CADPS2: variants seen among roughly 807,000 people sequenced by gnomAD.
CADPS2 encodes the protein calcium-dependent secretion activator 2.
CADPS2 carries 93 observed loss-of-function variants against 172.5 expected under a neutral mutation model. The ratio of observed to expected loss-of-function variants is 0.54; its 90% confidence interval spans 0.46 to 0.64. CADPS2 has a LOEUF of 0.64. CADPS2 is among the 30% of genes least tolerant of loss of function. The pLI, the probability that CADPS2 is intolerant of heterozygous loss-of-function variation, is 0.00. For synonymous variants in CADPS2, 546 were observed against 555.2 expected (o/e 0.98, Z 0.23); for missense variants, 1,420 against 1,565.9 (o/e 0.91, Z 1.57).
chr7:122,478,979 A>C (rs1259319306), intron 12 of CADPS2, among the ~76,000 whole-genome samples: 1 of 152,132 alleles, frequency 6.6e-6, no homozygotes. Context: ...TCTTTGCAAC[A>C]AATTCTTATG....
At chr7:122,870,230 G>A (rs1215480396) in intron 1 of CADPS2, among the ~76,000 whole-genome samples, 1 of 151,802 alleles carries the variant, frequency 6.6e-6, no homozygotes, top group Non-Finnish European at 1.5e-5. Flanking sequence ...TCATCTCTAA[G>A]GACACATTCA....
intron 1 of CADPS2, among the ~76,000 whole-genome samples, chr7:122,859,186 T>C (rs991012116): frequency 2.0e-5 from 3 of 152,236 alleles, no homozygotes; most frequent in Non-Finnish European, 4.4e-5. Context: ...TCTTAATTAA[T>C]TGAAAGTTTA....
Position 122,649,710 on chromosome 7 carries a change from A to G in CADPS2, c.786+13527T>C, listed in dbSNP as rs747622768. 1.3e-4 allele frequency among the ~76,000 whole-genome samples: 20 copies of G among 152,264 alleles called. No individual in the cohort carries two copies. The South Asian group carries it at 4.1e-3, about 32-fold the overall frequency. On this transcript the variant is annotated intron_variant, in intron 3 of 29. Coordinates refer to ENST00000449022, the MANE Select transcript of CADPS2 (RefSeq NM_017954.11). ...TATACATACTCCCAGTAATGCACTGATCAACTATACCATTACATTTCATAC... is the reference window on the plus strand; with the variant it reads ...TATACATACTCCCAGTAATGCACTGGTCAACTATACCATTACATTTCATAC...
intron 9 of CADPS2, among the ~76,000 whole-genome samples, chr7:122,505,446 T>C (rs1343699763): frequency 6.6e-6 from 1 of 152,152 alleles, no homozygotes; most frequent in African/African-American, 2.4e-5. Flanking sequence ...AGTCAAAAAC[T>C]TCAGGTTTAG....
At chr7:122,775,365 T>G (rs2093845768) in intron 1 of CADPS2, among the ~76,000 whole-genome samples, 2 of 152,206 alleles carry the variant, frequency 1.3e-5, no homozygotes, top group Non-Finnish European at 2.9e-5. Context: ...TAGCTTCATG[T>G]TCCCATGGGC....
chr7:122,415,934 GT>G, intron 18 of CADPS2, 126 bp downstream of exon 18: 2 of 489,978 alleles, frequency 4.1e-6, no homozygotes, highest in Middle Eastern at 5.9e-4. Context: ...ACTGCTTATC[GT>G]TGGTGCTTAT....
At chr7:122,410,898 A>G (rs2047224140) in intron 19 of CADPS2, among the ~76,000 whole-genome samples, 1 of 152,224 alleles carries the variant, frequency 6.6e-6, no homozygotes, top group Admixed American at 6.5e-5. Context: ...CCAAACAATT[A>G]TTTCAGGTAG....
intron 1 of CADPS2, among the ~76,000 whole-genome samples, chr7:122,875,503 A>G (rs1435077266): frequency 6.6e-6 from 1 of 152,188 alleles, no homozygotes; most frequent in African/African-American, 2.4e-5. Context: ...TAATAATGCT[A>G]ATTATTAGAT....
intron 3 of CADPS2, among the ~76,000 whole-genome samples, chr7:122,655,331 A>G (rs1208331944): frequency 6.6e-6 from 1 of 152,192 alleles, no homozygotes; most frequent in Admixed American, 6.6e-5. Flanking sequence ...CTTTTGTGAA[A>G]AGAAGAGTGA....
intron 14 of CADPS2, among the ~76,000 whole-genome samples, chr7:122,461,496 A>T (rs2152099011): frequency 6.6e-6 from 1 of 152,318 alleles, no homozygotes; most frequent in East Asian, 1.9e-4. Context: ...CAAAACACAA[A>T]AGAACAAAAG....
chr7:122,809,127 T>C lies in CADPS2; in HGVS notation c.340-72059A>G, dbSNP rs568579043. 8.9e-4 allele frequency among the ~76,000 whole-genome samples: 135 copies of C among 152,288 alleles called. 1 individual carries two copies. In the South Asian group the frequency reaches 0.028, roughly 32 times the overall value. Reference sequence around the variant, plus strand: ...CATGTGGTTTTCTGTATATACATTGTATAAATATTGTTTCATATAACAATG... The same window carrying C: ...CATGTGGTTTTCTGTATATACATTGCATAAATATTGTTTCATATAACAATG... On this transcript the variant is annotated intron_variant, in intron 1 of 29. Coordinates refer to ENST00000449022, the MANE Select transcript of CADPS2 (RefSeq NM_017954.11).
intron 1 of CADPS2, among the ~76,000 whole-genome samples, chr7:122,777,045 C>T (rs191219629): frequency 4.6e-5 from 7 of 151,952 alleles, no homozygotes; most frequent in Admixed American, 2.0e-4. Context: ...CAGCTACTCA[C>T]GAGGTTGAGG....
chr7:122,457,400 G>A (rs1336616118), intron 14 of CADPS2, among the ~76,000 whole-genome samples: 2 of 152,178 alleles, frequency 1.3e-5, no homozygotes, highest in Non-Finnish European at 2.9e-5. Context: ...ATTTTGACAT[G>A]TTTAATATCC....
At chr7:122,582,279 A>C (rs2068937019) in intron 6 of CADPS2, among the ~76,000 whole-genome samples, 1 of 152,114 alleles carries the variant, frequency 6.6e-6, no homozygotes, top group African/African-American at 2.4e-5. Context: ...AGAGCTTACA[A>C]CATACAGAAA....
At chr7:122,751,275 C>G (rs1417778909) in intron 1 of CADPS2, among the ~76,000 whole-genome samples, 2 of 152,038 alleles carry the variant, frequency 1.3e-5, no homozygotes, top group African/African-American at 4.8e-5. Flanking sequence ...TATGTTTTGT[C>G]TGCTTGGAAA....
At chr7:122,629,778 C>A (rs1006351671) in intron 3 of CADPS2, among the ~76,000 whole-genome samples, 4 of 152,098 alleles carry the variant, frequency 2.6e-5, no homozygotes, top group Non-Finnish European at 2.9e-5. Flanking sequence ...TTGACTGATA[C>A]AACTTTCTAC....
chr7:122,734,561 T>A (rs2137703374), intron 2 of CADPS2, among the ~76,000 whole-genome samples: 1 of 151,796 alleles, frequency 6.6e-6, no homozygotes, highest in East Asian at 1.9e-4. Flanking sequence ...TTAAGACTGT[T>A]CTGGTAAACT....
intron 12 of CADPS2, among the ~76,000 whole-genome samples, chr7:122,475,133 G>T (rs2056478476): frequency 6.6e-6 from 1 of 152,170 alleles, no homozygotes; most frequent in South Asian, 2.1e-4. Flanking sequence ...CAAATTTATT[G>T]TTCTTTACAG....
chr7:122,523,983 C>A (rs2061012348), intron 8 of CADPS2, among the ~76,000 whole-genome samples: 1 of 152,094 alleles, frequency 6.6e-6, no homozygotes, highest in Non-Finnish European at 1.5e-5. Context: ...AAGCCTATGG[C>A]ACATTCCAAA....
Sources: gnomAD v4.1 joint callset for allele counts (sites outside exome capture counted in the v4.1 genomes callset) on GRCh38, gnomAD v4.1.1 for gene constraint, MANE v1.5 for transcripts, NCBI Gene and HGNC (gene_info 2026-07-23, HGNC 2026-07-21) for gene names.